Variants in RSPO3 observed in about 807,000 individuals in gnomAD.
RSPO3 encodes the protein R-spondin 3, also known as R-spondin-3.
In RSPO3, 17 loss-of-function variants were observed where a neutral mutation model predicts 36.5. The observed-to-expected ratio is 0.47, with a 90% CI of 0.32 to 0.70. RSPO3 has a LOEUF of 0.70. Among genes scored for constraint, RSPO3 ranks in the 30% least tolerant of loss-of-function variants. The pLI is 0.04. For missense variants in RSPO3, 294 were observed against 322.5 expected (o/e 0.91, Z 0.68); for synonymous variants, 108 against 107.0 (o/e 1.01, Z -0.06).
intron 4 of RSPO3, among the ~76,000 whole-genome samples, chr6:127,163,476 G>A (rs1230581924): frequency 6.6e-6 from 1 of 152,110 alleles, no homozygotes; most frequent in Non-Finnish European, 1.5e-5. Flanking sequence ...CCTCTCAAGA[G>A]GTGTGAGTAA....
At chr6:127,130,593 A>G (rs1356368671) in intron 1 of RSPO3, among the ~76,000 whole-genome samples, 4 of 152,144 alleles carry the variant, frequency 2.6e-5, no homozygotes, top group African/African-American at 7.2e-5. Flanking sequence ...ATTGTGGAAC[A>G]ATGTATTTAA....
intron 4 of RSPO3, among the ~76,000 whole-genome samples, chr6:127,191,341 A>G (rs1775405851): frequency 6.6e-6 from 1 of 152,152 alleles, no homozygotes. Context: ...GCACATCAAA[A>G]TAAACTGGGG....
chr6:127,193,925 T>A (rs995534990), intron 4 of RSPO3, among the ~76,000 whole-genome samples: 11 of 152,186 alleles, frequency 7.2e-5, no homozygotes, highest in African/African-American at 2.7e-4. Flanking sequence ...TCTAATGTTG[T>A]TTGTTCCTCT....
chr6:127,174,165 T>G (rs1051623352), intron 4 of RSPO3, among the ~76,000 whole-genome samples: 3 of 151,884 alleles, frequency 2.0e-5, no homozygotes, highest in African/African-American at 7.2e-5. Flanking sequence ...GAAATACTTT[T>G]TAGGCATGAA....
intron 1 of RSPO3, among the ~76,000 whole-genome samples, chr6:127,127,231 T>A (rs1773955989): frequency 6.6e-6 from 1 of 152,094 alleles, no homozygotes; most frequent in African/African-American, 2.4e-5. Flanking sequence ...GCTCGATAAG[T>A]TGGTAAGAAA....
At chr6:127,143,930 A>AT (rs1774328663) in intron 1 of RSPO3, among the ~76,000 whole-genome samples, 1 of 152,202 alleles carries the variant, frequency 6.6e-6, no homozygotes, top group Non-Finnish European at 1.5e-5. Context: ...TATTCTGGAT[A>AT]TTTTATCAAA....
In RSPO3 at chr6:127,195,153, T is replaced by C. The variant is rs76362923; in HGVS notation, c.635-670T>C. On this transcript the variant is annotated intron_variant, in intron 4 of 4. Transcript: ENST00000356698. ...AATACAACATGGTACCTTAAAAATA[T>C]GAGCCAGATAAAAATCTCTCCTTTT... Among the ~76,000 whole-genome samples the C allele has an allele frequency of 5.2e-3, 792 of 152,256 alleles. 6 individuals carry two copies. Among genetic ancestry groups the C allele is most frequent in the African/African-American group, 0.017 (723 of 41,544 alleles).
At chr6:127,169,576 G>A (rs1015343056) in intron 4 of RSPO3, among the ~76,000 whole-genome samples, 1 of 151,806 alleles carries the variant, frequency 6.6e-6, no homozygotes, top group African/African-American at 2.4e-5. Flanking sequence ...AAAGTACCTT[G>A]GAGATGCATA....
intron 4 of RSPO3, among the ~76,000 whole-genome samples, chr6:127,169,269 C>T (rs1027169115): frequency 6.6e-6 from 1 of 151,570 alleles, no homozygotes; most frequent in Non-Finnish European, 1.5e-5. Flanking sequence ...TACAACTTCT[C>T]CTTCTCAGAT....
intron 4 of RSPO3, 29 bp downstream of exon 4, chr6:127,155,467 T>C: frequency 6.3e-7 from 1 of 1,588,472 alleles, no homozygotes; most frequent in Non-Finnish European, 8.6e-7. Flanking sequence ...AATGTGCTTG[T>C]TTGAATCCTC....
At chr6:127,154,092 T>C (rs1403823732) in intron 3 of RSPO3, among the ~76,000 whole-genome samples, 1 of 152,132 alleles carries the variant, frequency 6.6e-6, no homozygotes, top group Non-Finnish European at 1.5e-5. Flanking sequence ...AAAAGTCCTG[T>C]GAAAAATGTA....
chr6:127,121,436 G>A (rs925339776), intron 1 of RSPO3, among the ~76,000 whole-genome samples: 1 of 152,220 alleles, frequency 6.6e-6, no homozygotes, highest in Non-Finnish European at 1.5e-5. Flanking sequence ...ATGAAAGAAG[G>A]AATAGTGGAA....
chr6:127,165,798 G>T (rs145967370), intron 4 of RSPO3, among the ~76,000 whole-genome samples: 1 of 151,886 alleles, frequency 6.6e-6, no homozygotes, highest in East Asian at 1.9e-4. Flanking sequence ...TTAAAAACCA[G>T]AACCATCTCA....
intron 4 of RSPO3, among the ~76,000 whole-genome samples, 154 bp from the exon 5 acceptor site, chr6:127,195,669 G>A: frequency 6.6e-6 from 1 of 152,012 alleles, no homozygotes. Flanking sequence ...ATATACCACA[G>A]ACTTAATAAT....
intron 4 of RSPO3, among the ~76,000 whole-genome samples, chr6:127,175,342 C>T (rs925247082): frequency 6.6e-6 from 1 of 151,554 alleles, no homozygotes; most frequent in Non-Finnish European, 1.5e-5. Flanking sequence ...CAGCATCTTG[C>T]GGAATATTGA....
At chr6:127,191,488 G>T (rs1775408890) in intron 4 of RSPO3, among the ~76,000 whole-genome samples, 1 of 152,098 alleles carries the variant, frequency 6.6e-6, no homozygotes, top group Non-Finnish European at 1.5e-5. Flanking sequence ...AAGGCCATAG[G>T]AAATGTTTAT....
intron 1 of RSPO3, among the ~76,000 whole-genome samples, chr6:127,140,992 C>G (rs773050751): frequency 1.3e-5 from 2 of 152,184 alleles, no homozygotes; most frequent in Non-Finnish European, 2.9e-5. Context: ...GAGTTATTCT[C>G]TGCCTTATTC....
intron 1 of RSPO3, among the ~76,000 whole-genome samples, chr6:127,139,015 GT>G (rs1294854949): frequency 6.6e-6 from 1 of 152,016 alleles, no homozygotes; most frequent in East Asian, 1.9e-4. Flanking sequence ...ATGCACATAA[GT>G]ATAAAGATGC....
At chr6:127,184,224 C>A (rs910784592) in intron 4 of RSPO3, among the ~76,000 whole-genome samples, 1 of 151,946 alleles carries the variant, frequency 6.6e-6, no homozygotes, top group Admixed American at 6.6e-5. Flanking sequence ...ATTGCATTTC[C>A]TTTTCAATAC....
Sources: gnomAD v4.1 joint callset for allele counts (sites outside exome capture counted in the v4.1 genomes callset) on GRCh38, gnomAD v4.1.1 for gene constraint, MANE v1.5 for transcripts, NCBI Gene and HGNC (gene_info 2026-07-23, HGNC 2026-07-21) for gene names.